FBXL13: variants seen among roughly 807,000 people sequenced by gnomAD.
FBXL13 encodes F-box and leucine-rich repeat protein 13.
A neutral mutation model predicts 83.6 loss-of-function variants in FBXL13; 67 were observed. The ratio of observed to expected loss-of-function variants is 0.80; its 90% CI spans 0.66 to 0.98. The LOEUF (loss-of-function observed/expected upper bound fraction) is 0.98. FBXL13 is among the 50% of genes least tolerant of loss of function. FBXL13 has a pLI of 0.00. For missense variants in FBXL13, 822 were observed against 866.5 expected (o/e 0.95, Z 0.64); for synonymous variants, 272 against 299.5 (o/e 0.91, Z 0.95).
chr7:103,054,652 G>A (rs1380117794), intron 2 of FBXL13, among the ~76,000 whole-genome samples: 1 of 152,104 alleles, frequency 6.6e-6, no homozygotes, highest in Non-Finnish European at 1.5e-5. Context: ...GTCATTACGA[G>A]CATGATTCCC....
At chr7:102,924,379 TTATA>T (rs1417797488) in intron 10 of FBXL13, among the ~76,000 whole-genome samples, 2 of 152,148 alleles carry the variant, frequency 1.3e-5, no homozygotes. Context: ...TCTAGATTGA[TTATA>T]TATTTAAGTA....
chr7:102,982,398 A>G (rs1828356577), intron 6 of FBXL13, among the ~76,000 whole-genome samples: 2 of 152,112 alleles, frequency 1.3e-5, no homozygotes, highest in Non-Finnish European at 2.9e-5. Context: ...TGGAAGGAAG[A>G]GTATCATATA....
At chr7:102,969,171 TG>T (rs1369473743) in intron 6 of FBXL13, among the ~76,000 whole-genome samples, 1 of 152,194 alleles carries the variant, frequency 6.6e-6, no homozygotes, top group East Asian at 1.9e-4. Context: ...AGTCCTCCAT[TG>T]ATAAGTGCCC....
rs376263692 is a variant in FBXL13 at position 102,931,968 on chromosome 7, T to C, written c.725-35A>G. The C allele has an allele frequency of 1.4e-5, 23 of 1,598,090 alleles. No homozygotes were observed. In the African/African-American group the frequency reaches 2.0e-4, roughly 14 times the overall value. ...ATAAGTTACACGTCACTAAACTACATATTGCAAATGTTTAAACAAAGTTTT... is the reference window on the plus strand; with the variant it reads ...ATAAGTTACACGTCACTAAACTACACATTGCAAATGTTTAAACAAAGTTTT... On this transcript the variant is annotated intron_variant, in intron 8 of 19. Transcript: ENST00000313221.
At chr7:103,008,689 C>G (rs142435439) in intron 6 of FBXL13, among the ~76,000 whole-genome samples, 2 of 152,204 alleles carry the variant, frequency 1.3e-5, no homozygotes, top group Admixed American at 6.5e-5. Flanking sequence ...TCCCGAGTAG[C>G]TGGGACTATA....
chr7:103,019,997 G>A (rs375906876), intron 6 of FBXL13, among the ~76,000 whole-genome samples: 4 of 152,096 alleles, frequency 2.6e-5, no homozygotes, highest in African/African-American at 7.2e-5. Flanking sequence ...ATCCTGATAC[G>A]AAAGCCTGGC....
intron 11 of FBXL13, among the ~76,000 whole-genome samples, chr7:102,904,370 G>A (rs10232029): frequency 0.012 from 1,866 of 151,702 alleles, 43 homozygotes; most frequent in African/African-American, 0.043. Context: ...TTATTTATTT[G>A]GATCTTCTCT....
At chr7:102,922,197 A>T (rs565949374) in intron 10 of FBXL13, among the ~76,000 whole-genome samples, 1 of 151,852 alleles carries the variant, frequency 6.6e-6, no homozygotes, top group South Asian at 2.1e-4. Context: ...CTCAAAAAAA[A>T]AAAAAAATTA....
intron 16 of FBXL13, among the ~76,000 whole-genome samples, chr7:102,855,398 T>C (rs1007847515): frequency 7.9e-5 from 12 of 152,160 alleles, no homozygotes; most frequent in African/African-American, 2.9e-4. Context: ...AGGCCTTGGA[T>C]TTTTTTAATT....
At chr7:102,951,375 C>CTAAA (rs71106701) in intron 8 of FBXL13, among the ~76,000 whole-genome samples, 1,361 of 133,942 alleles carry the variant, frequency 0.01, 24 homozygotes, top group African/African-American at 0.028. Context: ...GACTCCATCT[C>CTAAA]TAAATAAATA....
intron 17 of FBXL13, among the ~76,000 whole-genome samples, chr7:102,849,022 A>G (rs1280620590): frequency 1.3e-5 from 2 of 152,194 alleles, no homozygotes; most frequent in Admixed American, 6.5e-5. Flanking sequence ...ACCAGAGTAA[A>G]TAATTGGATT....
At chr7:102,850,052 GAAC>G (rs1804928013) in intron 17 of FBXL13, among the ~76,000 whole-genome samples, 1 of 151,868 alleles carries the variant, frequency 6.6e-6, no homozygotes, top group South Asian at 2.1e-4. Context: ...AATTTGAGTA[GAAC>G]AACTAATCTT....
rs567884074 is a variant in FBXL13 at position 102,976,602 on chromosome 7, TGTTTGGG to T, written c.496-8492_496-8486del. On this transcript the variant is annotated intron_variant, in intron 6 of 19. Transcript: ENST00000313221. ...ATCCCCCATCTGTAGTTAGCCCCCCTGTTTGGGGTAATTCCACACCCTCAGTCGCAAA... is the reference window on the plus strand; with the variant it reads ...ATCCCCCATCTGTAGTTAGCCCCCCTGTAATTCCACACCCTCAGTCGCAAA... Among the ~76,000 whole-genome samples, 11 of 152,144 alleles carry T rather than the reference TGTTTGGG, an allele frequency of 7.2e-5. No individual in the cohort carries two copies. The East Asian group carries it at 2.1e-3, about 29-fold the overall frequency.
At chr7:102,818,694 G>C (rs937820623) in intron 19 of FBXL13, among the ~76,000 whole-genome samples, 2 of 152,170 alleles carry the variant, frequency 1.3e-5, no homozygotes, top group Non-Finnish European at 2.9e-5. Flanking sequence ...GGCTCTGAAG[G>C]CCACTAAGAC....
At chr7:102,943,224 T>C (rs189361494) in intron 8 of FBXL13, among the ~76,000 whole-genome samples, 12 of 152,210 alleles carry the variant, frequency 7.9e-5, no homozygotes, top group Admixed American at 7.2e-4. Flanking sequence ...CCAGGAACTG[T>C]CAGATCACCA....
intron 17 of FBXL13, among the ~76,000 whole-genome samples, chr7:102,837,785 C>T (rs749536556): frequency 5.5e-4 from 84 of 152,328 alleles, no homozygotes; most frequent in Non-Finnish European, 1.0e-3. Context: ...TCAAGTGATC[C>T]TTCCTCCTTG....
chr7:103,013,910 C>A (rs891040911), intron 6 of FBXL13, among the ~76,000 whole-genome samples: 1 of 151,418 alleles, frequency 6.6e-6, no homozygotes, highest in Non-Finnish European at 1.5e-5. Context: ...TTTTAAAAAA[C>A]AGAGAAGATC....
At chr7:102,915,506 C>A (rs932759241) in intron 10 of FBXL13, among the ~76,000 whole-genome samples, 1 of 152,066 alleles carries the variant, frequency 6.6e-6, no homozygotes, top group Non-Finnish European at 1.5e-5. Context: ...TCGATCTACA[C>A]CTAGTATTCA....
At chr7:102,877,366 CAAAT>C (rs1809408699) in intron 16 of FBXL13, 97 bp downstream of exon 17, 2 of 1,027,200 alleles carry the variant, frequency 1.9e-6, no homozygotes, top group South Asian at 5.6e-5. Flanking sequence ...AATAGAATAA[CAAAT>C]AAAACATATT....
Sources: gnomAD v4.1 joint callset for allele counts (sites outside exome capture counted in the v4.1 genomes callset) on GRCh38, gnomAD v4.1.1 for gene constraint, MANE v1.5 for transcripts, NCBI Gene and HGNC (gene_info 2026-07-23, HGNC 2026-07-21) for gene names.